Variants in PLOD2 observed in about 807,000 individuals in gnomAD.
The protein encoded by PLOD2 is lysine hydroxylase 2.
Under a neutral mutation model 101.0 loss-of-function variants are expected in PLOD2, and 65 were observed. The observed-to-expected ratio is 0.64, with a 90% CI of 0.53 to 0.79. The LOEUF (loss-of-function observed/expected upper bound fraction) is 0.79, where lower values mean the gene tolerates loss of function less well. Ranked by LOEUF, PLOD2 falls within the 30% of genes least tolerant of loss-of-function variation. PLOD2 has a pLI of 0.00. For missense variants in PLOD2, 909 were observed against 914.6 expected (o/e 0.99, Z 0.08); for synonymous variants, 314 against 302.9 (o/e 1.04, Z -0.38).
intron 7 of PLOD2, among the ~76,000 whole-genome samples, chr3:146,100,410 CA>C (rs993953967): frequency 6.6e-6 from 1 of 152,124 alleles, no homozygotes; most frequent in African/African-American, 2.4e-5. Context: ...GACCAGAAAA[CA>C]GGCAAATATC....
chr3:146,127,005 AT>A (rs2030607069), intron 1 of PLOD2, among the ~76,000 whole-genome samples: 1 of 151,998 alleles, frequency 6.6e-6, no homozygotes, highest in Non-Finnish European at 1.5e-5. Context: ...TATAATTACT[AT>A]TTTTCCATCT....
In PLOD2 at chr3:146,122,296, T is replaced by C. The variant is rs1038539196; in HGVS notation, c.202-1048A>G. Reference sequence around the variant, plus strand: ...TTCAAACTAGGCTAATCTAGAAGCATTAATAGTACTTGCTCTAAAAATTGG... The same window carrying C: ...TTCAAACTAGGCTAATCTAGAAGCACTAATAGTACTTGCTCTAAAAATTGG... On this transcript the variant is annotated intron_variant, in intron 2 of 19. Coordinates refer to ENST00000282903, the MANE Select transcript of PLOD2 (RefSeq NM_182943.3). Among the ~76,000 whole-genome samples the C allele has an allele frequency of 5.3e-5, 8 of 152,172 alleles. No individual in the cohort carries two copies. In the East Asian group the frequency reaches 1.5e-3, roughly 29 times the overall value.
intron 9 of PLOD2, among the ~76,000 whole-genome samples, chr3:146,087,409 C>G (rs1332791071): frequency 6.6e-6 from 1 of 151,476 alleles, no homozygotes; most frequent in Non-Finnish European, 1.5e-5. Context: ...AATAAATGGT[C>G]ATATATAAAA....
At chr3:146,147,046 G>A (rs1344691948) in intron 1 of PLOD2, among the ~76,000 whole-genome samples, 2 of 151,930 alleles carry the variant, frequency 1.3e-5, no homozygotes, top group East Asian at 3.9e-4. Context: ...CAATTCAAGA[G>A]ATACGATCTC....
At chr3:146,139,368 T>TA (rs1282254323) in intron 1 of PLOD2, among the ~76,000 whole-genome samples, 1 of 152,144 alleles carries the variant, frequency 6.6e-6, no homozygotes, top group Non-Finnish European at 1.5e-5. Context: ...ATGAGTCTGT[T>TA]ACATAAATAA....
At chr3:146,145,992 C>T (rs1170390) in intron 1 of PLOD2, among the ~76,000 whole-genome samples, 116,650 of 152,048 alleles carry the variant, frequency 0.77, 44,779 homozygotes, top group East Asian at 0.83. Context: ...CCACTGGCCT[C>T]AAAACAATAA....
intron 11 of PLOD2, among the ~76,000 whole-genome samples, chr3:146,082,830 G>A (rs920559188): frequency 2.0e-4 from 30 of 152,086 alleles, no homozygotes; most frequent in African/African-American, 7.0e-4. Flanking sequence ...GGGAGGCGGA[G>A]GTTGCAGTGA....
intron 1 of PLOD2, among the ~76,000 whole-genome samples, chr3:146,127,080 A>C (rs1306399702): frequency 6.6e-6 from 1 of 152,218 alleles, no homozygotes; most frequent in Admixed American, 6.5e-5. Flanking sequence ...TCATTGTTGC[A>C]TACAAACACA....
intron 7 of PLOD2, among the ~76,000 whole-genome samples, chr3:146,100,562 G>A (rs1937350397): frequency 1.3e-5 from 2 of 152,174 alleles, no homozygotes; most frequent in Non-Finnish European, 2.9e-5. Context: ...CAGCAGGTGG[G>A]AATTAGGGGG....
intron 1 of PLOD2, among the ~76,000 whole-genome samples, chr3:146,140,815 T>C (rs1483569221): frequency 6.6e-6 from 1 of 152,058 alleles, no homozygotes; most frequent in Non-Finnish European, 1.5e-5. Flanking sequence ...TCATGATCAC[T>C]TACCATATTT....
intron 7 of PLOD2, among the ~76,000 whole-genome samples, chr3:146,093,670 C>T (rs1359542805): frequency 6.6e-6 from 1 of 151,952 alleles, no homozygotes; most frequent in Non-Finnish European, 1.5e-5. Flanking sequence ...AAAAATTTCC[C>T]AAATATTTGG....
chr3:146,145,886 A>G (rs2031751173), intron 1 of PLOD2, among the ~76,000 whole-genome samples: 2 of 152,206 alleles, frequency 1.3e-5, no homozygotes, highest in African/African-American at 4.8e-5. Context: ...TAAGAGCACT[A>G]GTAAATAAGA....
chr3:146,139,322 G>T (rs2031405727), intron 1 of PLOD2, among the ~76,000 whole-genome samples: 1 of 151,970 alleles, frequency 6.6e-6, no homozygotes, highest in Non-Finnish European at 1.5e-5. Context: ...AAGTAGTGAA[G>T]GACTCCAAAT....
rs1204066489 is a variant in PLOD2 at position 146,069,611 on chromosome 3, A to T, written c.*1106T>A. 1 of 152,260 alleles carries T rather than the reference A, an allele frequency of 6.6e-6. No individual in the cohort carries two copies. Among genetic ancestry groups the T allele is most frequent in the Non-Finnish European group, 1.5e-5 (1 of 67,896 alleles). The allele number at this position is 152,260 out of a possible 1,614,324, so 9.4% of individuals were successfully genotyped here. Reference sequence around the variant, plus strand: ...GAAGTGATAAAACATCAAGTCAACAAGTATTTTTGTTGGAGAATTTTTTTA... The same window carrying T: ...GAAGTGATAAAACATCAAGTCAACATGTATTTTTGTTGGAGAATTTTTTTA... On this transcript the variant is annotated 3_prime_UTR_variant, in exon 20 of 20. Transcript: ENST00000282903.
At chr3:146,116,951 C>A (rs1052992728) in intron 3 of PLOD2, among the ~76,000 whole-genome samples, 1 of 151,988 alleles carries the variant, frequency 6.6e-6, no homozygotes, top group Non-Finnish European at 1.5e-5. Context: ...GGAAGGAATG[C>A]GACAAAATTG....
chr3:146,117,857 C>A (rs970972312), intron 3 of PLOD2, among the ~76,000 whole-genome samples: 1 of 151,978 alleles, frequency 6.6e-6, no homozygotes. Context: ...TTAGGTATAT[C>A]ACAGTGTCCT....
At chr3:146,141,627 T>G (rs377745580) in intron 1 of PLOD2, among the ~76,000 whole-genome samples, 64 of 152,210 alleles carry the variant, frequency 4.2e-4, no homozygotes, top group African/African-American at 1.5e-3. Context: ...AAGTAAATGC[T>G]GGAATTGAAG....
intron 9 of PLOD2, 147 bp from the exon 10 acceptor site, chr3:146,087,055 C>G (rs1042132329): frequency 2.3e-6 from 1 of 444,064 alleles, no homozygotes; most frequent in Non-Finnish European, 3.9e-6. Flanking sequence ...ATATTAAACA[C>G]GGTATATTTA....
intron 1 of PLOD2, among the ~76,000 whole-genome samples, chr3:146,160,205 C>T (rs1371490022): frequency 6.6e-6 from 1 of 152,152 alleles, no homozygotes; most frequent in Non-Finnish European, 1.5e-5. Context: ...TTTAATCTGG[C>T]TAAATATAAA....
Sources: allele counts gnomAD v4.1 joint callset (sites outside exome capture counted in the v4.1 genomes callset), GRCh38; gene constraint gnomAD v4.1.1; transcripts MANE v1.5; gene names NCBI Gene and HGNC (gene_info 2026-07-23, HGNC 2026-07-21).